ROCK1: variants seen among roughly 807,000 people sequenced by gnomAD.
ROCK1 encodes rho-associated protein kinase 1.
In ROCK1, 36 loss-of-function variants were observed where a neutral mutation model predicts 196.8. The observed-to-expected ratio is 0.18, with a 90% CI of 0.14 to 0.24. The LOEUF is 0.24. Among genes scored for constraint, ROCK1 ranks in the 10% least tolerant of loss-of-function variants. ROCK1 has a pLI of 1.00. For missense variants in ROCK1, 920 were observed against 1,562.0 expected, an observed-to-expected ratio of 0.59 and a Z score of 6.93; for synonymous variants, 443 against 515.9, an observed-to-expected ratio of 0.86 and a Z score of 1.91.
intron 14 of ROCK1, among the ~76,000 whole-genome samples, chr18:21,007,330 T>TA (rs2035776950): frequency 6.6e-6 from 1 of 152,190 alleles, no homozygotes; most frequent in Non-Finnish European, 1.5e-5. Flanking sequence ...AGATCTGTCT[T>TA]AGAGACTGTT....
chr18:21,029,631 A>G (rs898545957), intron 9 of ROCK1, among the ~76,000 whole-genome samples: 1 of 152,172 alleles, frequency 6.6e-6, no homozygotes, highest in Non-Finnish European at 1.5e-5. Context: ...TGACATCTTC[A>G]AGAATTATAA....
At chr18:21,037,357 C>CA (rs997559643) in intron 9 of ROCK1, among the ~76,000 whole-genome samples, 9 of 151,108 alleles carry the variant, frequency 6.0e-5, no homozygotes, top group South Asian at 4.2e-4. Flanking sequence ...GTAAAAATAC[C>CA]AAAAAAAACT....
intron 1 of ROCK1, among the ~76,000 whole-genome samples, chr18:21,102,113 T>C (rs1423690359): frequency 1.3e-5 from 2 of 152,250 alleles, no homozygotes; most frequent in Non-Finnish European, 2.9e-5. Flanking sequence ...TTCTTTCCAC[T>C]GTAACTACAG....
At chr18:21,040,366 A>G (rs2036094837) in intron 8 of ROCK1, among the ~76,000 whole-genome samples, 1 of 152,206 alleles carries the variant, frequency 6.6e-6, no homozygotes, top group Admixed American at 6.5e-5. Context: ...TCAAAAGCCA[A>G]TGACTACTAA....
chr18:20,963,939 A>T (rs1366246547), intron 27 of ROCK1, among the ~76,000 whole-genome samples: 1 of 152,172 alleles, frequency 6.6e-6, no homozygotes, highest in Non-Finnish European at 1.5e-5. Flanking sequence ...TTTTTTAAAT[A>T]AAGTTTTTAG....
At chr18:20,957,136 T>C (rs1204513526) in intron 29 of ROCK1, among the ~76,000 whole-genome samples, 1 of 152,208 alleles carries the variant, frequency 6.6e-6, no homozygotes, top group African/African-American at 2.4e-5. Flanking sequence ...ACAGATCTAC[T>C]TTATAACCCA....
At chr18:21,009,305 G>A (rs916179823) in intron 13 of ROCK1, among the ~76,000 whole-genome samples, 12 of 150,292 alleles carry the variant, frequency 8.0e-5, no homozygotes, top group East Asian at 1.9e-4. Context: ...GAGTCACCGC[G>A]CCTGGCCAAG....
intron 1 of ROCK1, among the ~76,000 whole-genome samples, chr18:21,085,342 T>TA (rs1568405805): frequency 1.2e-3 from 3 of 2,422 alleles, no homozygotes; most frequent in African/African-American, 2.1e-3. Flanking sequence ...CAACCCCATT[T>TA]CAAAAAAAAA....
chr18:20,976,093 C>T (rs2035477829), intron 22 of ROCK1, among the ~76,000 whole-genome samples: 1 of 152,178 alleles, frequency 6.6e-6, no homozygotes, highest in Admixed American at 6.5e-5. Flanking sequence ...TCTGATCCTA[C>T]ACTATGGATT....
At chr18:20,964,239 ACTTATTTT>A in intron 27 of ROCK1, among the ~76,000 whole-genome samples, 1 of 152,318 alleles carries the variant, frequency 6.6e-6, no homozygotes, top group East Asian at 1.9e-4. Flanking sequence ...ATATTCATTT[ACTTATTTT>A]CTAAACTGAA....
intron 1 of ROCK1, among the ~76,000 whole-genome samples, chr18:21,090,747 T>C (rs1238285157): frequency 2.6e-5 from 4 of 152,152 alleles, no homozygotes; most frequent in Admixed American, 6.6e-5. Context: ...CAAATAAATG[T>C]TTATTGAAAA....
At chr18:21,098,097 C>T (rs1568409713) in intron 1 of ROCK1, among the ~76,000 whole-genome samples, 1 of 152,228 alleles carries the variant, frequency 6.6e-6, no homozygotes, top group East Asian at 1.9e-4. Flanking sequence ...CCCTAAAAAA[C>T]ACCCATGTGC....
At position 20,967,753 on chromosome 18, in the gene ROCK1, G is replaced by C; in HGVS notation, c.3191C>G (p.Ala1064Gly). 1 of 1,587,080 alleles carries C rather than the reference G, an allele frequency of 6.3e-7. No individual in the cohort carries two copies. Among genetic ancestry groups the C allele is most frequent in the South Asian group, 1.2e-5 (1 of 84,070 alleles). Residue 1064 changes from alanine (A) to glycine (G), a missense_variant and splice_region_variant, in exon 26 of 33, where the codon GCG (alanine) becomes GGG (glycine). This residue lies in a region of ROCK1 where 116 missense variants were observed against 204.2 expected (regional missense o/e 0.57). Transcript: ENST00000399799. ...KHQKELNDMQ[A>G]QLVEECAHRN... ...TCCATACACACACAGAAACCTTACC[G>C]CTTGCATGTCATTCAGTTCCTTCTG...
chr18:20,988,885 C>T (rs1360685281), intron 18 of ROCK1, among the ~76,000 whole-genome samples: 2 of 151,902 alleles, frequency 1.3e-5, no homozygotes, highest in East Asian at 3.9e-4. Flanking sequence ...TTATTCTCTG[C>T]GATATTCCCA....
intron 1 of ROCK1, among the ~76,000 whole-genome samples, chr18:21,081,409 G>GA: frequency 6.6e-6 from 1 of 151,278 alleles, no homozygotes; most frequent in East Asian, 1.9e-4. Context: ...ATTTTAAAAA[G>GA]AAAAAAAGCT....
intron 10 of ROCK1, among the ~76,000 whole-genome samples, chr18:21,027,030 C>T (rs568080304): frequency 6.6e-6 from 1 of 151,822 alleles, no homozygotes; most frequent in African/African-American, 2.4e-5. Context: ...CCTCCGCCCC[C>T]CAGGTTGAAG....
At chr18:21,062,058 A>C (rs116318640) in intron 2 of ROCK1, among the ~76,000 whole-genome samples, 3,418 of 152,248 alleles carry the variant, frequency 0.022, 136 homozygotes, top group African/African-American at 0.079. Context: ...GCTGGTATAC[A>C]TGCATACATA....
chr18:21,007,388 T>C (rs973183928), intron 14 of ROCK1, among the ~76,000 whole-genome samples: 2 of 152,186 alleles, frequency 1.3e-5, no homozygotes, highest in Admixed American at 6.5e-5. Context: ...ATAAGCCACA[T>C]AGTATTCTAC....
In ROCK1 at chr18:21,006,445, T is replaced by C. The variant is rs760787734; in HGVS notation, c.1791A>G (p.Ser597=). Residue 597 remains serine, a synonymous_variant, in exon 16 of 33, where the codon TCA becomes TCG. Transcript: ENST00000399799. ...GCTGGTAATAATCTTTGTCTGTTTG[T>C]GACTTAGAATTCTCTAAAATTCGAT... The part of the protein sequence containing the change: ...ERNRILENSK[S]QTDKDYYQLQ... The C allele has an allele frequency of 2.5e-6, 4 of 1,613,786 alleles. No homozygotes were observed. The highest frequency in any genetic ancestry group is 3.4e-6 in the Non-Finnish European group (4 of 1,179,936).
Sources: gnomAD v4.1 joint callset for allele counts (sites outside exome capture counted in the v4.1 genomes callset) on GRCh38, gnomAD v4.1.1 for gene constraint, gnomAD v4.1.1 regional missense constraint, MANE v1.5 for transcripts, NCBI Gene and HGNC (gene_info 2026-07-23, HGNC 2026-07-21) for gene names.